WDR27: variants seen among roughly 807,000 people sequenced by gnomAD.
The protein encoded by WDR27 is WD repeat-containing protein 27.
A neutral mutation model predicts 114.4 loss-of-function variants in WDR27; 100 were observed. That is an observed-to-expected ratio of 0.87 (90% CI 0.74 to 1.03). The LOEUF (loss-of-function observed/expected upper bound fraction) is 1.03. Among genes scored for constraint, WDR27 ranks in the 50% least tolerant of loss-of-function variants. The pLI, the probability that WDR27 is intolerant of heterozygous loss-of-function variation, is 0.00. For missense variants in WDR27, 1,129 were observed against 1,092.9 expected (o/e 1.03, Z -0.47); for synonymous variants, 449 against 423.1 (o/e 1.06, Z -0.75).
chr6:169,478,462 G>T (rs1467827176), intron 25 of WDR27, among the ~76,000 whole-genome samples: 1 of 152,082 alleles, frequency 6.6e-6, no homozygotes, highest in East Asian at 1.9e-4. Context: ...TGTACCTCAG[G>T]TTAAGTCGGG....
intron 25 of WDR27, among the ~76,000 whole-genome samples, chr6:169,483,012 A>G (rs979062830): frequency 3.9e-5 from 6 of 152,296 alleles, no homozygotes; most frequent in African/African-American, 7.2e-5. Flanking sequence ...AACATACCAG[A>G]ATCTCTGGGA....
intron 20 of WDR27, among the ~76,000 whole-genome samples, chr6:169,633,440 G>A (rs1816904671): frequency 6.6e-6 from 1 of 152,200 alleles, no homozygotes; most frequent in Non-Finnish European, 1.5e-5. Flanking sequence ...AGAAAGGGCT[G>A]GACTAAGATT....
At chr6:169,577,933 C>G (rs1802701682) in intron 24 of WDR27, among the ~76,000 whole-genome samples, 1 of 152,212 alleles carries the variant, frequency 6.6e-6, no homozygotes, top group South Asian at 2.1e-4. Flanking sequence ...AGCTTGCAGA[C>G]AGCAGATCTT....
intron 25 of WDR27, among the ~76,000 whole-genome samples, chr6:169,512,287 T>C (rs1793003479): frequency 6.6e-6 from 1 of 152,176 alleles, no homozygotes; most frequent in Non-Finnish European, 1.5e-5. Flanking sequence ...AGAGCTTTTT[T>C]ACTTTTCAAA....
At chr6:169,672,447 G>A in intron 2 of WDR27, 51 bp from the exon 3 acceptor site, 3 of 1,489,220 alleles carry the variant, frequency 2.0e-6, no homozygotes, top group Non-Finnish European at 2.7e-6. Flanking sequence ...TTAAAAATAA[G>A]AGTATAACAA....
At chr6:169,579,771 G>A (rs7770199) in intron 24 of WDR27, among the ~76,000 whole-genome samples, 7,697 of 152,154 alleles carry the variant, frequency 0.051, 539 homozygotes, top group African/African-American at 0.16. Context: ...CAACCAATGC[G>A]TGCTGTTCGG....
chr6:169,561,920 A>G lies in WDR27; in HGVS notation c.2645+10499T>C, dbSNP rs374617291. ...AAAGAAAGCTAGAGTGGCTATATTAATATCGGACAAAGTATATTTCAAAGC... is the reference window on the plus strand; with the variant it reads ...AAAGAAAGCTAGAGTGGCTATATTAGTATCGGACAAAGTATATTTCAAAGC... On this transcript the variant is annotated intron_variant, in intron 25 of 25. Transcript: ENST00000448612. Among the ~76,000 whole-genome samples the G allele has an allele frequency of 5.3e-5, 8 of 152,240 alleles. No individual in the cohort carries two copies. The East Asian group carries it at 7.7e-4, about 15-fold the overall frequency.
At chr6:169,582,956 T>C in intron 23 of WDR27, 22 bp from the exon 24 acceptor site, 1 of 1,609,658 alleles carries the variant, frequency 6.2e-7, no homozygotes, top group Non-Finnish European at 8.5e-7. Flanking sequence ...GATGAGCAGG[T>C]GTGCCATGTT....
intron 23 of WDR27, among the ~76,000 whole-genome samples, chr6:169,584,240 A>G (rs1404854843): frequency 2.0e-5 from 3 of 152,174 alleles, no homozygotes; most frequent in African/African-American, 7.2e-5. Context: ...ACTGTGGCAA[A>G]TGGCAGGCTA....
chr6:169,451,339 T>C, the WDR27 span, among the ~76,000 whole-genome samples: 1 of 152,218 alleles, frequency 6.6e-6, no homozygotes, highest in Non-Finnish European at 1.5e-5. Context: ...ATCATACATA[T>C]AATGATTGAT....
At chr6:169,653,167 C>G (rs1823066707) in intron 13 of WDR27, among the ~76,000 whole-genome samples, 1 of 152,178 alleles carries the variant, frequency 6.6e-6, no homozygotes. Context: ...GAGTTTCTTT[C>G]CATGGAAACA....
chr6:169,682,435 G>C (rs1781783810), intron 2 of WDR27, among the ~76,000 whole-genome samples: 1 of 152,156 alleles, frequency 6.6e-6, no homozygotes, highest in Non-Finnish European at 1.5e-5. Context: ...TCCTACCCAG[G>C]TCCATCTGGG....
At chr6:169,534,532 G>T (rs1252506812) in intron 25 of WDR27, among the ~76,000 whole-genome samples, 1 of 151,582 alleles carries the variant, frequency 6.6e-6, no homozygotes, top group African/African-American at 2.4e-5. Context: ...TTTGTGGGAA[G>T]TTTTTTTTAT....
intron 25 of WDR27, among the ~76,000 whole-genome samples, chr6:169,546,752 C>A (rs749278574): frequency 1.6e-4 from 24 of 152,136 alleles, no homozygotes; most frequent in Middle Eastern, 3.2e-3. Context: ...TATGAAAGAA[C>A]TTTCTATGTA....
chr6:169,550,535 T>G (rs144639355), intron 25 of WDR27, among the ~76,000 whole-genome samples: 2,472 of 152,032 alleles, frequency 0.016, 60 homozygotes, highest in African/African-American at 0.057. Flanking sequence ...TTCTCCTGCC[T>G]CAGCCACCTG....
chr6:169,537,142 C>A (rs1334983261), intron 25 of WDR27, among the ~76,000 whole-genome samples: 3 of 152,114 alleles, frequency 2.0e-5, no homozygotes, highest in Non-Finnish European at 4.4e-5. Flanking sequence ...TTCAAGTGCC[C>A]CTTGGTATTC....
chr6:169,474,148 G>T (rs1786816690), intron 25 of WDR27, among the ~76,000 whole-genome samples: 1 of 152,218 alleles, frequency 6.6e-6, no homozygotes, highest in Admixed American at 6.5e-5. Context: ...TTTAATTTAT[G>T]CTGTCTATGT....
intron 23 of WDR27, among the ~76,000 whole-genome samples, chr6:169,598,115 T>G (rs1166778555): frequency 4.6e-5 from 7 of 152,214 alleles, no homozygotes; most frequent in Non-Finnish European, 1.0e-4. Flanking sequence ...CCATCATAGC[T>G]AGTGCTGAAC....
At chr6:169,695,793 C>A (rs1366212597) in intron 1 of WDR27, among the ~76,000 whole-genome samples, 1 of 152,116 alleles carries the variant, frequency 6.6e-6, no homozygotes, top group East Asian at 1.9e-4. Flanking sequence ...CCTGGATTCT[C>A]TGGGTATATT....
Sources: allele counts gnomAD v4.1 joint callset (sites outside exome capture counted in the v4.1 genomes callset), GRCh38; gene constraint gnomAD v4.1.1; transcripts MANE v1.5; gene names NCBI Gene and HGNC (gene_info 2026-07-23, HGNC 2026-07-21).